Variants in PHIP observed in about 807,000 individuals in gnomAD.
PHIP encodes PH-interacting protein.
In PHIP, 54 loss-of-function variants were observed where a neutral mutation model predicts 236.8. That is an observed-to-expected ratio of 0.23 (90% confidence interval 0.18 to 0.29). The LOEUF (loss-of-function observed/expected upper bound fraction) is 0.29, where lower values mean the gene tolerates loss of function less well. Among genes scored for constraint, PHIP ranks in the 10% least tolerant of loss-of-function variants. PHIP has a pLI of 1.00. For missense variants in PHIP, 1,370 were observed against 2,190.8 expected (o/e 0.63, Z 7.48); for synonymous variants, 756 against 718.9 (o/e 1.05, Z -0.83).
chr6:78,983,012 T>C lies in PHIP; in HGVS notation c.2643A>G (p.Ser881=). The part of the protein sequence containing the change: ...KNKTKKAESS[S]DEEEESEKQK... Reference sequence around the variant, plus strand: ...GTTTTTCAGATTCTTCTTCTTCATCTGAACTGCTTTCTGCTTTCTTGGTTT... The same window carrying C: ...GTTTTTCAGATTCTTCTTCTTCATCCGAACTGCTTTCTGCTTTCTTGGTTT... Residue 881 remains serine (S), a synonymous_variant, in exon 23 of 40, where the codon TCA becomes TCG. Transcript: ENST00000275034. The C allele has an allele frequency of 6.2e-7, 1 of 1,611,158 alleles. No homozygotes were observed. Among genetic ancestry groups the C allele is most frequent in the Non-Finnish European group, 8.5e-7 (1 of 1,178,320 alleles).
intron 9 of PHIP, among the ~76,000 whole-genome samples, chr6:79,024,992 G>C (rs914529742): frequency 3.9e-5 from 6 of 152,058 alleles, no homozygotes; most frequent in African/African-American, 1.4e-4. Context: ...ATAAACCGAA[G>C]TATTAATATG....
At chr6:78,962,203 A>G (rs1293824970) in intron 30 of PHIP, among the ~76,000 whole-genome samples, 2 of 152,148 alleles carry the variant, frequency 1.3e-5, no homozygotes, top group Admixed American at 1.3e-4. Context: ...TCTCAAACGT[A>G]TCCCTTTATC....
chr6:78,963,978 A>G (rs190392559), intron 29 of PHIP, among the ~76,000 whole-genome samples: 10 of 152,208 alleles, frequency 6.6e-5, no homozygotes, highest in Non-Finnish European at 1.3e-4. Flanking sequence ...ACCACCCTTC[A>G]ATATATTTAG....
chr6:79,043,450 T>C (rs1052713292), intron 6 of PHIP, among the ~76,000 whole-genome samples: 1 of 152,126 alleles, frequency 6.6e-6, no homozygotes, highest in Admixed American at 6.6e-5. Context: ...AAATCTGACA[T>C]GCAGAATGAT....
In PHIP at chr6:78,938,530, G is replaced by A. The variant is rs1773354475; in HGVS notation, c.*2163C>T. ...GGAAATTACATATTTCAAATAGATT[G>A]CCTTCAAAAGCAACTAATTAATGAC... On this transcript the variant is annotated 3_prime_UTR_variant, in exon 40 of 40. Transcript: ENST00000275034. 1 of 151,368 alleles carries A rather than the reference G, an allele frequency of 6.6e-6. No individual in the cohort carries two copies. Among genetic ancestry groups the A allele is most frequent in the Non-Finnish European group, 1.5e-5 (1 of 67,562 alleles). 9.4% of individuals were successfully genotyped at this position (151,368 alleles called of 1,614,324 possible).
At chr6:79,008,021 C>T (rs147863358) in intron 15 of PHIP, among the ~76,000 whole-genome samples, 7,190 of 151,344 alleles carry the variant, frequency 0.048, 162 homozygotes, top group Middle Eastern at 0.068. Flanking sequence ...GGTGTGGTGG[C>T]GCTCGCATGT....
At chr6:78,990,783 AC>A in intron 20 of PHIP, 84 bp downstream of exon 20, 2 of 689,496 alleles carry the variant, frequency 2.9e-6, no homozygotes, top group East Asian at 5.3e-5. Context: ...TGTTTATAAT[AC>A]CATGTTAAAT....
At chr6:78,957,826 G>C (rs913845618) in intron 32 of PHIP, 1 of 151,990 alleles carries the variant, frequency 6.6e-6, no homozygotes, top group African/African-American at 2.4e-5. Flanking sequence ...GGAAGGGAAA[G>C]TACTTCTGCC....
chr6:79,055,728 G>A lies in PHIP; in HGVS notation c.439+4750C>T, dbSNP rs573747329. Among the ~76,000 whole-genome samples the A allele has an allele frequency of 2.0e-3, 299 of 152,300 alleles. 3 individuals carry two copies. Among genetic ancestry groups the A allele is most frequent in the Non-Finnish European group, 2.7e-3 (184 of 68,010 alleles). ...AAAGACCAAAAGGTTCAAAGTAGTT[G>A]GGAATTCTAAGCACATAATAAAATA... On this transcript the variant is annotated intron_variant, in intron 6 of 39. Transcript: ENST00000275034.
In PHIP at chr6:79,026,117, C is replaced by T; in HGVS notation, c.648G>A (p.Arg216=). Residue 216 remains arginine, a synonymous_variant, in exon 8 of 40, where the codon AGG becomes AGA. Coordinates refer to ENST00000275034, the MANE Select transcript of PHIP (RefSeq NM_017934.7). ...LVKIWATDDG[R]LLATLRGHAA... is the part of the protein sequence containing the mutation. The stretch of plus-strand genomic sequence containing the variant: ...CATGTCCTCTTAAGGTAGCTAACAA[C>T]CTCCCATCATCTGTTGCCCATATTT... 1.2e-6 allele frequency: 2 copies of T among 1,614,026 alleles called. No individual in the cohort carries two copies. Among genetic ancestry groups the T allele is most frequent in the Non-Finnish European group, 8.5e-7 (1 of 1,179,926 alleles).
intron 3 of PHIP, 90 bp downstream of exon 3, chr6:79,077,610 C>A (rs1774241865): frequency 3.4e-6 from 3 of 892,538 alleles, no homozygotes; most frequent in Admixed American, 6.4e-5. Context: ...AGCCCCGCGC[C>A]CCGCGCCCTG....
intron 4 of PHIP, among the ~76,000 whole-genome samples, chr6:79,062,137 C>T (rs1414929408): frequency 6.6e-6 from 1 of 152,066 alleles, no homozygotes; most frequent in African/African-American, 2.4e-5. Flanking sequence ...AGTTCTAATA[C>T]AGTTTGTATC....
intron 4 of PHIP, among the ~76,000 whole-genome samples, chr6:79,073,249 T>C (rs1179571152): frequency 6.6e-6 from 1 of 152,206 alleles, no homozygotes; most frequent in Non-Finnish European, 1.5e-5. Context: ...TAAGAAAGAA[T>C]GAAGAATGCT....
At chr6:78,992,155 G>A (rs1455763316) in intron 19 of PHIP, among the ~76,000 whole-genome samples, 1 of 151,654 alleles carries the variant, frequency 6.6e-6, no homozygotes, top group African/African-American at 2.4e-5. Context: ...GTAGAGACGG[G>A]GGTCCACTGT....
intron 27 of PHIP, among the ~76,000 whole-genome samples, chr6:78,967,314 G>T (rs1284250003): frequency 1.3e-5 from 2 of 152,252 alleles, no homozygotes; most frequent in East Asian, 1.9e-4. Context: ...AGTTTAATAA[G>T]AAGCATTCTT....
chr6:79,064,423 C>T (rs1773523551), intron 4 of PHIP, among the ~76,000 whole-genome samples: 1 of 152,154 alleles, frequency 6.6e-6, no homozygotes, highest in African/African-American at 2.4e-5. Flanking sequence ...GTCCATAGTC[C>T]ATCTAATTTC....
intron 10 of PHIP, among the ~76,000 whole-genome samples, chr6:79,017,944 A>G (rs1405727892): frequency 6.6e-6 from 1 of 151,892 alleles, no homozygotes; most frequent in Non-Finnish European, 1.5e-5. Flanking sequence ...ATGTGTCAAA[A>G]TCTTATCAAA....
At chr6:79,067,379 A>G (rs1339856289) in intron 4 of PHIP, among the ~76,000 whole-genome samples, 3 of 152,232 alleles carry the variant, frequency 2.0e-5, no homozygotes, top group Non-Finnish European at 4.4e-5. Flanking sequence ...TGCTATGGGA[A>G]CAACAATCTT....
intron 15 of PHIP, among the ~76,000 whole-genome samples, chr6:79,013,385 T>C (rs1410583749): frequency 6.6e-6 from 1 of 151,810 alleles, no homozygotes; most frequent in Non-Finnish European, 1.5e-5. Flanking sequence ...ATTCAACTTA[T>C]TACATGTATT....
Sources: gnomAD v4.1 joint callset for allele counts (sites outside exome capture counted in the v4.1 genomes callset) on GRCh38, gnomAD v4.1.1 for gene constraint, MANE v1.5 for transcripts, NCBI Gene and HGNC (gene_info 2026-07-23, HGNC 2026-07-21) for gene names.